NEAT1: variants seen among roughly 807,000 people sequenced by gnomAD.
The protein encoded by NEAT1 is MENepsilon/beta.
At chr11:65,444,422 C>T (rs1175376004) in exon 1 of NEAT1, 3 of 471,454 alleles carry the variant, frequency 6.4e-6, no homozygotes, top group African/African-American at 6.0e-5. Flanking sequence ...ACATGTGTGT[C>T]CCTGAGCAGG....
At chr11:65,444,167 GA>G (rs1004276812) in exon 1 of NEAT1, 3 of 283,832 alleles carry the variant, frequency 1.1e-5, no homozygotes, top group African/African-American at 6.8e-5. Context: ...CAAAGTGGGG[GA>G]GGGGGCAAAG....
exon 1 of NEAT1, chr11:65,444,635 C>A: frequency 2.4e-6 from 1 of 424,898 alleles, no homozygotes; most frequent in Non-Finnish European, 4.9e-6. Flanking sequence ...GAGCCAACAG[C>A]AGTGGTGCTG....
chr11:65,444,331 GA>G, exon 1 of NEAT1: 1 of 429,364 alleles, frequency 2.3e-6, no homozygotes, highest in South Asian at 1.6e-5. Flanking sequence ...GTAAAAGAGA[GA>G]AGTTGTGGAG....
exon 1 of NEAT1, chr11:65,428,874 A>T (rs575079485): frequency 4.7e-4 from 72 of 152,184 alleles, no homozygotes; most frequent in African/African-American, 1.7e-3. Flanking sequence ...AAATAAGGAA[A>T]TTTTTTTTAA....
exon 1 of NEAT1, chr11:65,436,871 G>GTGA (rs1180283398): frequency 5.3e-5 from 8 of 152,072 alleles, no homozygotes; most frequent in Non-Finnish European, 1.2e-4. Context: ...AGTTTCCTCA[G>GTGA]GAGGAATTCT....
exon 1 of NEAT1, chr11:65,443,130 G>C (rs1449839824): frequency 6.6e-6 from 1 of 152,142 alleles, no homozygotes; most frequent in Non-Finnish European, 1.5e-5. Flanking sequence ...GGTCAAATCC[G>C]ATCTGCCATA....
At chr11:65,423,094 G>C (rs112799104) in exon 1 of NEAT1, 1 of 152,792 alleles carries the variant, frequency 6.5e-6, no homozygotes, top group Non-Finnish European at 1.5e-5. Flanking sequence ...CGCCGCTCTT[G>C]CATAGCTGAG....
At chr11:65,430,731 G>A (rs1590672530) in exon 1 of NEAT1, 1 of 152,060 alleles carries the variant, frequency 6.6e-6, no homozygotes, top group South Asian at 2.1e-4. Context: ...GCATTGCCTC[G>A]GCAGTGAGCA....
chr11:65,444,388 G>A (rs1472719755), exon 1 of NEAT1: 2 of 459,448 alleles, frequency 4.4e-6, no homozygotes, highest in Non-Finnish European at 8.9e-6. Context: ...TGAGTAGAAG[G>A]CACCCAGCTC....
At chr11:65,444,117 A>G in exon 1 of NEAT1, 1 of 233,198 alleles carries the variant, frequency 4.3e-6, no homozygotes, top group Non-Finnish European at 8.6e-6. Flanking sequence ...CGAGGCTGTG[A>G]GGGGAGATGG....
At chr11:65,440,770 G>C (rs1299176366) in exon 1 of NEAT1, 1 of 149,194 alleles carries the variant, frequency 6.7e-6, no homozygotes, top group African/African-American at 2.5e-5. Context: ...TCGAACCCAG[G>C]AGGCGGAGGT....
chr11:65,444,263 CTG>C (rs66756887), exon 1 of NEAT1: 6,696 of 253,374 alleles, frequency 0.026, 71 homozygotes, highest in South Asian at 0.028. Flanking sequence ...AGTCCTCAGA[CTG>C]TGTGTGTGTG....
chr11:65,430,397 C>G (rs1324674648), exon 1 of NEAT1: 1 of 152,196 alleles, frequency 6.6e-6, no homozygotes, highest in African/African-American at 2.4e-5. Context: ...AGTAGTATTT[C>G]CCTGTACCGG....
chr11:65,435,711 T>C (rs1856652020), exon 1 of NEAT1: 1 of 152,150 alleles, frequency 6.6e-6, no homozygotes, highest in Admixed American at 6.5e-5. Flanking sequence ...AGAATAATGT[T>C]GGTCCTCTCC....
At chr11:65,442,125 G>T (rs925876891) in exon 1 of NEAT1, 1 of 150,838 alleles carries the variant, frequency 6.6e-6, no homozygotes, top group East Asian at 1.9e-4. Flanking sequence ...ACAGAGTTTT[G>T]ATTTTTTTTT....
exon 1 of NEAT1, chr11:65,422,812 G>A (rs1856510027): frequency 6.5e-6 from 1 of 153,130 alleles, no homozygotes; most frequent in Non-Finnish European, 1.5e-5. Context: ...TTAGCGACAG[G>A]GAGGGATGCG....
chr11:65,424,894 G>A (rs868576943), exon 1 of NEAT1: 1 of 152,124 alleles, frequency 6.6e-6, no homozygotes, highest in Non-Finnish European at 1.5e-5. Flanking sequence ...GGGAGAAGGG[G>A]ACAGCTTGGC....
chr11:65,428,241 A>C (rs1856581523), exon 1 of NEAT1: 1 of 152,244 alleles, frequency 6.6e-6, no homozygotes, highest in East Asian at 1.9e-4. Context: ...ATGGGGCATA[A>C]GAATAGCAAA....
exon 1 of NEAT1, chr11:65,432,983 T>A (rs1469267745): frequency 6.7e-6 from 1 of 149,034 alleles, no homozygotes; most frequent in African/African-American, 2.5e-5. Flanking sequence ...TAGAATAATA[T>A]CCTCCAGCTC....
Sources: gnomAD v4.1 joint callset for allele counts on GRCh38, gnomAD v4.1.1 for gene constraint, MANE v1.5 for transcripts, NCBI Gene and HGNC (gene_info 2026-07-23, HGNC 2026-07-21) for gene names.